Variants in ATP2B1 observed in about 807,000 individuals in gnomAD.
ATP2B1 encodes the protein plasma membrane calcium-transporting ATPase 1.
A neutral mutation model predicts 124.2 loss-of-function variants in ATP2B1; 14 were observed. The observed-to-expected ratio is 0.11, with a 90% CI of 0.07 to 0.18. ATP2B1 has a LOEUF of 0.18. Ranked by LOEUF, ATP2B1 falls within the 10% of genes least tolerant of loss-of-function variation. ATP2B1 has a pLI of 1.00. For synonymous variants in ATP2B1, 449 were observed against 492.4 expected, an observed-to-expected ratio of 0.91 and a Z score of 1.17; for missense variants, 763 against 1,466.1, an observed-to-expected ratio of 0.52 and a Z score of 7.83.
At chr12:89,631,942 C>T (rs1341501870) in intron 5 of ATP2B1, among the ~76,000 whole-genome samples, 1 of 151,646 alleles carries the variant, frequency 6.6e-6, no homozygotes, top group Non-Finnish European at 1.5e-5. Context: ...GAAGGTTATA[C>T]AACTATTAAA....
intron 1 of ATP2B1, among the ~76,000 whole-genome samples, chr12:89,665,339 A>G (rs1887181061): frequency 6.6e-6 from 1 of 152,182 alleles, no homozygotes; most frequent in South Asian, 2.1e-4. Flanking sequence ...TACATTCTGA[A>G]CATATGTTAA....
intron 3 of ATP2B1, among the ~76,000 whole-genome samples, chr12:89,635,901 G>C (rs1343202762): frequency 6.6e-6 from 1 of 152,174 alleles, no homozygotes; most frequent in East Asian, 1.9e-4. Context: ...ACAGTAGTGA[G>C]TAAGACACAC....
Position 89,619,990 on chromosome 12 carries a change from T to A in ATP2B1, c.1829+9A>T. ...CAGCAATTTATTCATCCAAGCATTTTACTCTTACTTTTTCAGAATTATCTC... is the reference window on the plus strand; with the variant it reads ...CAGCAATTTATTCATCCAAGCATTTAACTCTTACTTTTTCAGAATTATCTC... On this transcript the variant is annotated intron_variant, in intron 11 of 20. Coordinates refer to ENST00000428670, the MANE Select transcript of ATP2B1 (RefSeq NM_001366521.1). 6.2e-7 allele frequency: 1 copy of A among 1,612,860 alleles called. No homozygotes were observed. Among genetic ancestry groups the A allele is most frequent in the Non-Finnish European group, 8.5e-7 (1 of 1,179,090 alleles).
chr12:89,695,350 A>AT (rs1424218531), intron 1 of ATP2B1, among the ~76,000 whole-genome samples: 2 of 152,142 alleles, frequency 1.3e-5, no homozygotes, highest in African/African-American at 4.8e-5. Context: ...AAAGCTCTAC[A>AT]TAACAGTCTC....
intron 3 of ATP2B1, among the ~76,000 whole-genome samples, chr12:89,639,290 G>A (rs1169495421): frequency 1.3e-5 from 2 of 152,122 alleles, no homozygotes; most frequent in African/African-American, 4.8e-5. Flanking sequence ...GATAACCTGA[G>A]GTCAGGGGTT....
intron 1 of ATP2B1, among the ~76,000 whole-genome samples, chr12:89,679,719 A>G (rs1889105884): frequency 6.6e-6 from 1 of 152,188 alleles, no homozygotes; most frequent in African/African-American, 2.4e-5. Flanking sequence ...CTATGACAAA[A>G]GAGAAAAGGG....
Position 89,588,361 on chromosome 12 carries a change from G to GT in ATP2B1, c.*2622dup, listed in dbSNP as rs1872990255. 6.6e-6 allele frequency: 1 copy of GT among 152,474 alleles called. No individual in the cohort carries two copies. The highest frequency in any genetic ancestry group is 1.5e-5 in the Non-Finnish European group (1 of 67,998). The allele number at this position is 152,474 out of a possible 1,614,324, so 9.4% of individuals were successfully genotyped here. On this transcript the variant is annotated 3_prime_UTR_variant, in exon 21 of 21. Transcript: ENST00000428670. ...GGAGTAACTCATCTTCAAAGTGCAA[G>GT]TAAGTCTATTTACAACCACAAAAAA...
chr12:89,690,555 T>G (rs1273827397), intron 1 of ATP2B1, among the ~76,000 whole-genome samples: 2 of 151,954 alleles, frequency 1.3e-5, no homozygotes, highest in Non-Finnish European at 1.5e-5. Flanking sequence ...TTCTTGTGAG[T>G]TGAATTAAAC....
intron 4 of ATP2B1, 40 bp downstream of exon 4, chr12:89,634,956 TA>T: frequency 1.9e-6 from 3 of 1,610,636 alleles, no homozygotes; most frequent in Non-Finnish European, 1.7e-6. Context: ...ACAGTAATTT[TA>T]TGTTTAGTGT....
chr12:89,674,258 T>C (rs1362073184), intron 1 of ATP2B1, among the ~76,000 whole-genome samples: 1 of 152,142 alleles, frequency 6.6e-6, no homozygotes, highest in Non-Finnish European at 1.5e-5. Flanking sequence ...TGATTCTTTT[T>C]TTAACCTTTT....
chr12:89,691,627 T>C (rs963429900), intron 1 of ATP2B1, among the ~76,000 whole-genome samples: 1 of 152,158 alleles, frequency 6.6e-6, no homozygotes, highest in Non-Finnish European at 1.5e-5. Flanking sequence ...TGTTAAGACT[T>C]ATAATACATG....
intron 11 of ATP2B1, among the ~76,000 whole-genome samples, chr12:89,617,702 G>A (rs1167296441): frequency 1.3e-5 from 2 of 151,864 alleles, no homozygotes; most frequent in African/African-American, 4.8e-5. Context: ...CCTGCTTCTA[G>A]GGAGGTAATT....
At chr12:89,627,329 T>C (rs750659597) in intron 7 of ATP2B1, among the ~76,000 whole-genome samples, 4 of 151,696 alleles carry the variant, frequency 2.6e-5, no homozygotes, top group Non-Finnish European at 4.4e-5. Context: ...TATAAATAAA[T>C]TTCGTGTTTG....
intron 2 of ATP2B1, among the ~76,000 whole-genome samples, chr12:89,644,099 G>A (rs1385144351): frequency 6.6e-6 from 1 of 152,032 alleles, no homozygotes; most frequent in Non-Finnish European, 1.5e-5. Flanking sequence ...TCCAGCCTGG[G>A]GGATAGAGCA....
At chr12:89,694,613 G>A (rs1046585367) in intron 1 of ATP2B1, among the ~76,000 whole-genome samples, 4 of 152,194 alleles carry the variant, frequency 2.6e-5, no homozygotes, top group Admixed American at 6.5e-5. Flanking sequence ...ACTTCAGGAA[G>A]GGAGACAGGA....
intron 3 of ATP2B1, among the ~76,000 whole-genome samples, chr12:89,637,100 C>T (rs1270849117): frequency 6.6e-6 from 1 of 152,154 alleles, no homozygotes; most frequent in African/African-American, 2.4e-5. Context: ...CCAAGTGAAG[C>T]ATTTTACTGG....
intron 1 of ATP2B1, among the ~76,000 whole-genome samples, chr12:89,672,498 C>A (rs1244734655): frequency 1.3e-5 from 2 of 151,996 alleles, no homozygotes; most frequent in Non-Finnish European, 2.9e-5. Flanking sequence ...GAAACTGGGC[C>A]CTCTGATGTA....
chr12:89,593,140 CAAT>C (rs1320271932), intron 20 of ATP2B1, among the ~76,000 whole-genome samples: 13 of 151,960 alleles, frequency 8.6e-5, no homozygotes, highest in Non-Finnish European at 1.9e-4. Flanking sequence ...GGAATGTAAA[CAAT>C]GTTTGCTAAA....
intron 7 of ATP2B1, among the ~76,000 whole-genome samples, chr12:89,627,116 A>C (rs1251177726): frequency 6.6e-6 from 1 of 152,178 alleles, no homozygotes; most frequent in African/African-American, 2.4e-5. Flanking sequence ...AAGTTGAGTC[A>C]ATCTACATAA....
Sources: gnomAD v4.1 joint callset for allele counts (sites outside exome capture counted in the v4.1 genomes callset) on GRCh38, gnomAD v4.1.1 for gene constraint, MANE v1.5 for transcripts, NCBI Gene and HGNC (gene_info 2026-07-23, HGNC 2026-07-21) for gene names.